FBXL7: variants seen among roughly 807,000 people sequenced by gnomAD.
FBXL7 encodes F-box and leucine rich repeat protein 7, also known as F-box/LRR-repeat protein 7.
In FBXL7, 12 loss-of-function variants were observed where a neutral mutation model predicts 38.3. The ratio of observed to expected loss-of-function variants is 0.31; its 90% CI spans 0.20 to 0.51. The LOEUF (loss-of-function observed/expected upper bound fraction) is 0.51, where lower values mean the gene tolerates loss of function less well. FBXL7 is among the 20% of genes least tolerant of loss of function. FBXL7 has a pLI of 0.98. For synonymous variants in FBXL7, 297 were observed against 300.9 expected (o/e 0.99, Z 0.13); for missense variants, 567 against 676.4 (o/e 0.84, Z 1.79).
At chr5:15,511,754 G>A (rs1008083715) in intron 1 of FBXL7, among the ~76,000 whole-genome samples, 24 of 152,110 alleles carry the variant, frequency 1.6e-4, no homozygotes, top group African/African-American at 5.8e-4. Context: ...CTGAGGTCTT[G>A]GCAGATGAAA....
intron 2 of FBXL7, among the ~76,000 whole-genome samples, chr5:15,680,339 C>T (rs1299880418): frequency 6.6e-6 from 1 of 152,166 alleles, no homozygotes; most frequent in East Asian, 1.9e-4. Context: ...AGATGTCTTA[C>T]ATGTGAGTTG....
At chr5:15,505,865 AC>A (rs1475516168) in intron 1 of FBXL7, among the ~76,000 whole-genome samples, 7 of 151,834 alleles carry the variant, frequency 4.6e-5, no homozygotes, top group Non-Finnish European at 8.8e-5. Flanking sequence ...AATTCTGAAA[AC>A]CCCAGTGGAT....
chr5:15,790,546 A>G (rs1054133541), intron 2 of FBXL7, among the ~76,000 whole-genome samples: 18 of 152,194 alleles, frequency 1.2e-4, no homozygotes, highest in African/African-American at 4.1e-4. Flanking sequence ...TTCTCAGCAA[A>G]TCATTTTGTC....
intron 2 of FBXL7, among the ~76,000 whole-genome samples, chr5:15,622,907 G>C (rs904106805): frequency 2.0e-5 from 3 of 151,802 alleles, no homozygotes; most frequent in Non-Finnish European, 4.4e-5. Flanking sequence ...GTTTGGCCAT[G>C]TTGGCCAGGC....
chr5:15,796,499 C>A (rs1251829374), intron 2 of FBXL7, among the ~76,000 whole-genome samples: 2 of 151,908 alleles, frequency 1.3e-5, no homozygotes, highest in African/African-American at 4.8e-5. Context: ...AATTGCCAAG[C>A]CTTGTTCAAC....
intron 1 of FBXL7, among the ~76,000 whole-genome samples, chr5:15,613,508 G>A (rs1303123405): frequency 6.6e-6 from 1 of 152,172 alleles, no homozygotes; most frequent in African/African-American, 2.4e-5. Flanking sequence ...AAGGGGTGGG[G>A]ACGAAGGGAA....
rs1212773964 is a variant in FBXL7, at chr5:15,939,193, G to A, written c.*2007G>A. ...TGTGTAATCAAGGCTCTGTGCCATG[G>A]GGGAAATGAATCATTTAGCTAGGCC... is the stretch of plus-strand genomic sequence containing the variant. On this transcript the variant is annotated 3_prime_UTR_variant, in exon 4 of 4. Coordinates refer to ENST00000504595, the MANE Select transcript of FBXL7 (RefSeq NM_012304.5). 1 of 396,844 alleles carries A rather than the reference G, an allele frequency of 2.5e-6. No homozygotes were observed. The highest frequency in any genetic ancestry group is 3.6e-5 in the East Asian group (1 of 28,010). 24.6% of individuals were successfully genotyped at this position (396,844 alleles called of 1,614,324 possible). A position where few individuals can be genotyped will look rare whatever the true frequency, so the allele number is the denominator to read the frequency against.
chr5:15,752,831 A>C (rs76207429), intron 2 of FBXL7, among the ~76,000 whole-genome samples: 1 of 152,280 alleles, frequency 6.6e-6, no homozygotes, highest in East Asian at 1.9e-4. Flanking sequence ...GTCAACCACA[A>C]GTTATCCTTC....
chr5:15,789,272 TTA>T (rs565330583), intron 2 of FBXL7, among the ~76,000 whole-genome samples: 156 of 152,322 alleles, frequency 1.0e-3, no homozygotes, highest in African/African-American at 3.7e-3. Context: ...ATAGTCATTT[TTA>T]TGTCTCACCC....
intron 2 of FBXL7, among the ~76,000 whole-genome samples, chr5:15,880,882 G>T (rs1345261652): frequency 6.6e-6 from 1 of 151,286 alleles, no homozygotes; most frequent in Non-Finnish European, 1.5e-5. Flanking sequence ...TTTAAGCCTA[G>T]CTCTGTAGTA....
intron 2 of FBXL7, among the ~76,000 whole-genome samples, chr5:15,649,446 A>G (rs914395116): frequency 6.6e-6 from 1 of 152,232 alleles, no homozygotes; most frequent in African/African-American, 2.4e-5. Flanking sequence ...ATACACCTAG[A>G]AAAAATAGAA....
At chr5:15,917,674 GAAGGAAGGAAGGAAGGAAGGAAGAAAGA>G (rs1266823485) in intron 2 of FBXL7, among the ~76,000 whole-genome samples, 66 of 83,222 alleles carry the variant, frequency 7.9e-4, no homozygotes, top group African/African-American at 2.5e-3. Flanking sequence ...AGGAAGGAAG[GAAGGAAGGAAGGAAGGAAGGAAGAAAGA>G]AAGGAAGGAA....
intron 1 of FBXL7, among the ~76,000 whole-genome samples, chr5:15,589,902 T>C (rs998034550): frequency 1.3e-5 from 2 of 152,208 alleles, no homozygotes; most frequent in African/African-American, 4.8e-5. Context: ...CAGTGGCTTC[T>C]CCATCTGCTC....
At chr5:15,895,774 G>A (rs532300714) in intron 2 of FBXL7, among the ~76,000 whole-genome samples, 2 of 145,912 alleles carry the variant, frequency 1.4e-5, no homozygotes, top group South Asian at 4.4e-4. Context: ...CTCCCTAGTA[G>A]CTGGGACTAC....
intron 2 of FBXL7, among the ~76,000 whole-genome samples, chr5:15,810,227 A>G (rs1425658487): frequency 6.6e-6 from 1 of 152,142 alleles, no homozygotes; most frequent in African/African-American, 2.4e-5. Context: ...GTGAATAAAC[A>G]TGTGCCATTG....
At chr5:15,723,869 T>G (rs1744270058) in intron 2 of FBXL7, among the ~76,000 whole-genome samples, 1 of 152,192 alleles carries the variant, frequency 6.6e-6, no homozygotes. Flanking sequence ...TAGTTTCTGT[T>G]TTTTGTTTCT....
At position 15,515,680 on chromosome 5, in the gene FBXL7, T is replaced by C. The variant is rs680474; in HGVS notation, c.37+14967T>C. On this transcript the variant is annotated intron_variant, in intron 1 of 3. Coordinates refer to ENST00000504595, the MANE Select transcript of FBXL7 (RefSeq NM_012304.5). The stretch of plus-strand genomic sequence containing the variant: ...GTCTGAAATCAGCATTTCGTGTTAC[T>C]GGTTATTAAGAGTATTGGGGAATAT... Among the ~76,000 whole-genome samples, 4,044 of 152,318 alleles carry C rather than the reference T, an allele frequency of 0.027. 330 individuals are homozygous for C. In the East Asian group the frequency reaches 0.35, roughly 13 times the overall value.
intron 2 of FBXL7, among the ~76,000 whole-genome samples, chr5:15,659,606 A>G (rs1435106236): frequency 6.6e-6 from 1 of 152,224 alleles, no homozygotes; most frequent in Non-Finnish European, 1.5e-5. Flanking sequence ...ACAAACAAGG[A>G]TATTTATCAC....
rs1325641421 is a variant in FBXL7 at position 15,807,034 on chromosome 5, C to G, written c.128-120856C>G. ...TGGCACAATCTCAGCTTACTGCAAC[C>G]TCTGCCTCCCAGGTTCAAGCAATTC... On this transcript the variant is annotated intron_variant, in intron 2 of 3. Transcript: ENST00000504595. 2.0e-5 allele frequency among the ~76,000 whole-genome samples: 3 copies of G among 152,142 alleles called. No homozygotes were observed. In the East Asian group the frequency reaches 5.8e-4, roughly 29 times the overall value.
Sources: gnomAD v4.1 joint callset for allele counts (sites outside exome capture counted in the v4.1 genomes callset) on GRCh38, gnomAD v4.1.1 for gene constraint, MANE v1.5 for transcripts, NCBI Gene and HGNC (gene_info 2026-07-23, HGNC 2026-07-21) for gene names.